The following MAST2 variants were observed in gnomAD, a reference collection of about 807,000 sequenced individuals.
MAST2 encodes the protein microtubule associated serine/threonine kinase 2, also known as microtubule-associated serine/threonine-protein kinase 2.
Under a neutral mutation model 147.4 loss-of-function variants are expected in MAST2, and 70 were observed. The ratio of observed to expected loss-of-function variants is 0.47; its 90% confidence interval spans 0.39 to 0.58. The LOEUF (loss-of-function observed/expected upper bound fraction) is 0.58. Ranked by LOEUF, MAST2 falls within the 20% of genes least tolerant of loss-of-function variation. The pLI, the probability that MAST2 is intolerant of heterozygous loss-of-function variation, is 0.00. For missense variants in MAST2, 2,080 were observed against 2,302.3 expected, an observed-to-expected ratio of 0.90 and a Z score of 1.98; for synonymous variants, 869 against 896.8, an observed-to-expected ratio of 0.97 and a Z score of 0.55.
intron 10 of MAST2, among the ~76,000 whole-genome samples, chr1:46,015,458 A>C (rs1377163846): frequency 6.6e-6 from 1 of 152,260 alleles, no homozygotes; most frequent in African/African-American, 2.4e-5. Flanking sequence ...AGAGAGAAGA[A>C]TCAAATAGGC....
intron 1 of MAST2, among the ~76,000 whole-genome samples, chr1:45,819,824 AC>A (rs1644566307): frequency 6.6e-6 from 1 of 152,234 alleles, no homozygotes; most frequent in Non-Finnish European, 1.5e-5. Context: ...GACATTCTCC[AC>A]AAAAATAGAA....
In MAST2 at chr1:46,035,866, C is replaced by T. The variant is rs762714620; in HGVS notation, c.5197C>T (p.Gln1733Ter). Reference sequence around the variant, plus strand: ...CTGGCTATGGGAGTCTGAGTGTGCACAAGCAGTGAAAGAGGATCCAGCCCT... The same window carrying T: ...CTGGCTATGGGAGTCTGAGTGTGCATAAGCAGTGAAAGAGGATCCAGCCCT... ...QGWLWESECA[Q>*]AVKEDPALSI... The change falls in exon 29 of 29, where the codon CAA becomes TAA. Residue 1733 changes from glutamine to a stop codon, truncating the protein, a stop_gained. Transcript: ENST00000361297. LOFTEE classifies it high-confidence loss of function. The surrounding 1 kb of genome is among the most constrained non-coding windows in gnomAD (Gnocchi z 5.5). 3 of 1,613,968 alleles carry T rather than the reference C, an allele frequency of 1.9e-6. No individual in the cohort carries two copies. The highest frequency in any genetic ancestry group is 4.5e-5 in the East Asian group (2 of 44,884).
intron 4 of MAST2, among the ~76,000 whole-genome samples, chr1:45,952,434 AT>A (rs1659064650): frequency 6.6e-6 from 1 of 152,228 alleles, no homozygotes. Flanking sequence ...CAATGAAAAT[AT>A]TCTGGAATTA....
chr1:46,022,105 G>A (rs758548307), intron 12 of MAST2, 23 bp downstream of exon 12: 13 of 1,612,672 alleles, frequency 8.1e-6, no homozygotes, highest in Middle Eastern at 1.7e-4. Context: ...CCTAGTGGCT[G>A]CAAAGAGGCC....
At chr1:45,810,424 T>G (rs938129871) in intron 1 of MAST2, among the ~76,000 whole-genome samples, 8 of 152,286 alleles carry the variant, frequency 5.3e-5, no homozygotes, top group African/African-American at 1.7e-4. Flanking sequence ...ATAATCGGTT[T>G]GTTATTGCCA....
chr1:46,000,972 G>A, intron 6 of MAST2: 1 of 1,289,690 alleles, frequency 7.8e-7, no homozygotes, highest in Non-Finnish European at 1.0e-6. Flanking sequence ...TAGCCACAGA[G>A]CTGACAGGTA....
intron 10 of MAST2, among the ~76,000 whole-genome samples, chr1:46,016,127 C>T (rs201377643): frequency 2.2e-5 from 3 of 139,376 alleles, no homozygotes; most frequent in African/African-American, 8.0e-5. Context: ...ATTCAACAAC[C>T]CTTCATGCTA....
intron 5 of MAST2, among the ~76,000 whole-genome samples, chr1:45,993,434 AGCACTTT>A (rs1644925362): frequency 6.6e-6 from 1 of 152,164 alleles, no homozygotes; most frequent in Non-Finnish European, 1.5e-5. Flanking sequence ...CTATAATCCC[AGCACTTT>A]GGGAGGCTGA....
chr1:45,975,495 C>CA (rs60802520), intron 5 of MAST2, among the ~76,000 whole-genome samples: 1 of 40,438 alleles, frequency 2.5e-5, no homozygotes, highest in Non-Finnish European at 4.7e-5. Flanking sequence ...CCTGTCTCTC[C>CA]AAAAAAAAAA....
intron 3 of MAST2, among the ~76,000 whole-genome samples, chr1:45,861,151 C>T (rs1291341237): frequency 6.6e-6 from 1 of 152,166 alleles, no homozygotes; most frequent in African/African-American, 2.4e-5. Flanking sequence ...TTACTTTCCT[C>T]CTCTTTTAGC....
rs561386137 is a variant in MAST2 at position 45,968,224 on chromosome 1, C to T, written c.592+8747C>T. Among the ~76,000 whole-genome samples, 5 of 152,302 alleles carry T rather than the reference C, an allele frequency of 3.3e-5. No homozygotes were observed. In the East Asian group the frequency reaches 9.6e-4, roughly 29 times the overall value. On this transcript the variant is annotated intron_variant, in intron 5 of 28. Coordinates refer to ENST00000361297, the MANE Select transcript of MAST2 (RefSeq NM_015112.3). Reference sequence around the variant, plus strand: ...ATGTTGAACAGACTTATCTATTAGACAAATTAAGAATAAGAAAAACAAGTT... The same window carrying T: ...ATGTTGAACAGACTTATCTATTAGATAAATTAAGAATAAGAAAAACAAGTT...
intron 2 of MAST2, 63 bp from the exon 3 acceptor site, chr1:45,829,376 T>A: frequency 6.9e-7 from 1 of 1,454,824 alleles, no homozygotes; most frequent in Non-Finnish European, 9.4e-7. Context: ...ACTGTATTTG[T>A]ATTTTTTCAT....
rs1644700933 is a variant in MAST2, at chr1:45,987,777, A to ATTTTTTTTTTTTTTTTTTTTTTTTGTT, written c.593-9922_593-9921insTTTTTTTTTTTTTTTTTTTTTTTTTTG. On this transcript the variant is annotated intron_variant, in intron 5 of 28. Transcript: ENST00000361297. ...AGCATTTCTTGTTTTTTTTTTTTTG[A>ATTTTTTTTTTTTTTTTTTTTTTTTGTT]TTTTTTTTTTTTTTTTTTTTTTTTG... Among the ~76,000 whole-genome samples the ATTTTTTTTTTTTTTTTTTTTTTTTGTT allele has an allele frequency of 1.4e-3, 30 of 21,806 alleles. 1 individual carries two copies. Among genetic ancestry groups the ATTTTTTTTTTTTTTTTTTTTTTTTGTT allele is most frequent in the Admixed American group, 3.0e-3 (4 of 1,316 alleles). The allele number at this position is 21,806 out of a possible 152,430, so 14.3% of individuals were successfully genotyped here. A position where few individuals can be genotyped will look rare whatever the true frequency, so the allele number is the denominator to read the frequency against.
intron 4 of MAST2, among the ~76,000 whole-genome samples, chr1:45,941,943 T>C (rs1217786122): frequency 1.3e-5 from 2 of 152,260 alleles, no homozygotes; most frequent in African/African-American, 4.8e-5. Flanking sequence ...GGTTTGCTTT[T>C]GTTAAGGTGC....
chr1:45,910,320 TA>T (rs936858318), intron 4 of MAST2, among the ~76,000 whole-genome samples: 20 of 152,112 alleles, frequency 1.3e-4, no homozygotes, highest in African/African-American at 2.9e-4. Context: ...ATATAAAGCG[TA>T]AAAAATGGAA....
intron 1 of MAST2, among the ~76,000 whole-genome samples, chr1:45,804,959 C>T (rs961995637): frequency 5.3e-5 from 8 of 152,018 alleles, no homozygotes; most frequent in Non-Finnish European, 8.8e-5. Context: ...CAGCTCTATT[C>T]GGGATCCTAC....
At chr1:45,942,021 G>T (rs1321212009) in intron 4 of MAST2, among the ~76,000 whole-genome samples, 2 of 152,184 alleles carry the variant, frequency 1.3e-5, no homozygotes, top group African/African-American at 4.8e-5. Flanking sequence ...TAAGGTAAAT[G>T]ATGTCTCAAT....
chr1:45,818,418 C>T lies in MAST2; in HGVS notation c.178-6015C>T, dbSNP rs1230351470. Among the ~76,000 whole-genome samples the T allele has an allele frequency of 3.3e-5, 5 of 152,252 alleles. No individual in the cohort carries two copies. The South Asian group carries it at 1.0e-3, about 32-fold the overall frequency. On this transcript the variant is annotated intron_variant, in intron 1 of 28. Transcript: ENST00000361297. Reference sequence around the variant, plus strand: ...AGGTTGTCATATAAAGTCCACTTTTCCTTGCATGTCACAGTGTGATCGAGA... The same window carrying T: ...AGGTTGTCATATAAAGTCCACTTTTTCTTGCATGTCACAGTGTGATCGAGA...
intron 4 of MAST2, among the ~76,000 whole-genome samples, chr1:45,906,574 GTTA>G (rs1465238890): frequency 8.8e-5 from 13 of 148,064 alleles, no homozygotes; most frequent in South Asian, 6.3e-4. Flanking sequence ...ATGTTTATAT[GTTA>G]TTATTATATA....
Sources: gnomAD v4.1 joint callset for allele counts (sites outside exome capture counted in the v4.1 genomes callset) on GRCh38, gnomAD v4.1.1 for gene constraint, Gnocchi (gnomAD v3.1) non-coding constraint, MANE v1.5 for transcripts, NCBI Gene and HGNC (gene_info 2026-07-23, HGNC 2026-07-21) for gene names.